Variants in ZNF462 observed in about 807,000 individuals in gnomAD.
The protein encoded by ZNF462 is zinc finger protein 462.
Under a neutral mutation model 201.9 loss-of-function variants are expected in ZNF462, and 10 were observed. That is an observed-to-expected ratio of 0.05 (90% CI 0.03 to 0.08). ZNF462 has a LOEUF of 0.08. ZNF462 is among the 10% of genes least tolerant of loss of function. The probability of loss-of-function intolerance (pLI) is 1.00; values close to 1 mark genes in which losing one functional copy is unlikely to be tolerated. For missense variants in ZNF462, 2,523 were observed against 3,168.3 expected, an observed-to-expected ratio of 0.80 and a Z score of 4.89; for synonymous variants, 1,227 against 1,193.3, an observed-to-expected ratio of 1.03 and a Z score of -0.58.
In ZNF462 at chr9:106,962,841, C is replaced by T. The variant is rs953448427; in HGVS notation, c.6428-9164C>T. Reference sequence around the variant, plus strand: ...ATATAGTCATCCAGCATCCATTGTCCCCCTGGCCATTGTATCATAATCTTG... The same window carrying T: ...ATATAGTCATCCAGCATCCATTGTCTCCCTGGCCATTGTATCATAATCTTG... On this transcript the variant is annotated intron_variant, in intron 7 of 12. Transcript: ENST00000277225. This position sits in a 1 kb window ranked among gnomAD's most constrained non-coding sequence, Gnocchi z 4.6. Among the ~76,000 whole-genome samples the T allele has an allele frequency of 6.6e-6, 1 of 151,842 alleles. No homozygotes were observed. The highest frequency in any genetic ancestry group is 1.5e-5 in the Non-Finnish European group (1 of 67,920).
At chr9:106,945,908 C>G (rs767497899) in intron 7 of ZNF462, among the ~76,000 whole-genome samples, 8 of 152,216 alleles carry the variant, frequency 5.3e-5, no homozygotes, top group Non-Finnish European at 1.0e-4. Flanking sequence ...ATTATCACCA[C>G]TCTGAACTCA....
chr9:106,931,014 G>A (rs983488573), intron 4 of ZNF462: 6 of 230,192 alleles, frequency 2.6e-5, no homozygotes, highest in African/African-American at 1.3e-4. Flanking sequence ...CTTCCAAGTT[G>A]CCCGAGCTCT....
chr9:106,955,630 A>G (rs1831540415), intron 7 of ZNF462, among the ~76,000 whole-genome samples: 1 of 152,156 alleles, frequency 6.6e-6, no homozygotes, highest in Admixed American at 6.6e-5. Context: ...TTGCAGTGCT[A>G]TTTGATAGCA....
intron 1 of ZNF462, among the ~76,000 whole-genome samples, chr9:106,910,327 C>A (rs1829489622): frequency 7.4e-6 from 1 of 135,088 alleles, no homozygotes. Context: ...CGTTTCCATG[C>A]TACATTTTTC....
intron 1 of ZNF462, among the ~76,000 whole-genome samples, chr9:106,893,928 T>C (rs1266905204): frequency 1.3e-5 from 2 of 152,214 alleles, no homozygotes; most frequent in Admixed American, 6.5e-5. Context: ...TTTGAGATTA[T>C]TGAGAAATGT....
intron 9 of ZNF462, chr9:106,979,367 A>G (rs1302164677): frequency 6.6e-6 from 1 of 151,546 alleles, no homozygotes; most frequent in Non-Finnish European, 1.5e-5. Flanking sequence ...TTACTACTAT[A>G]GCCAGAAGTA....
intron 7 of ZNF462, among the ~76,000 whole-genome samples, chr9:106,961,034 A>G (rs561303226): frequency 9.9e-5 from 15 of 152,236 alleles, no homozygotes; most frequent in African/African-American, 3.6e-4. Flanking sequence ...AAGGTAATCC[A>G]TGAATACCTT....
Position 106,930,407 on chromosome 9 carries a change from C to G in ZNF462, c.5848-118C>G, listed in dbSNP as rs888658458. On this transcript the variant is annotated intron_variant, in intron 3 of 12. Coordinates refer to ENST00000277225, the MANE Select transcript of ZNF462 (RefSeq NM_021224.6). This position sits in a 1 kb window ranked among gnomAD's most constrained non-coding sequence, Gnocchi z 5.8. ...TATAAAAATACTCGCCTATATCTCC[C>G]TTGGTTTTTAACCTGCTAATCGGCT... is the stretch of plus-strand genomic sequence containing the variant. 3 of 1,327,742 alleles carry G rather than the reference C, an allele frequency of 2.3e-6. No individual in the cohort carries two copies. The highest frequency in any genetic ancestry group is 3.1e-6 in the Non-Finnish European group (3 of 976,156). 82.2% of individuals were successfully genotyped at this position (1,327,742 alleles called of 1,614,324 possible).
chr9:106,972,766 A>G lies in ZNF462; in HGVS notation c.6695+494A>G, dbSNP rs1826694408. On this transcript the variant is annotated intron_variant, in intron 8 of 12. Coordinates refer to ENST00000277225, the MANE Select transcript of ZNF462 (RefSeq NM_021224.6). This position sits in a 1 kb window ranked among gnomAD's most constrained non-coding sequence, Gnocchi z 4.8. ...AAGACCCTGGCACTTCCAACACTACACTTGAGCAATCATAGGGAGATTGCT... is the reference window on the plus strand; with the variant it reads ...AAGACCCTGGCACTTCCAACACTACGCTTGAGCAATCATAGGGAGATTGCT... Among the ~76,000 whole-genome samples, 2 of 152,212 alleles carry G rather than the reference A, an allele frequency of 1.3e-5. No individual in the cohort carries two copies. Among genetic ancestry groups the G allele is most frequent in the Non-Finnish European group, 1.5e-5 (1 of 68,048 alleles).
chr9:106,939,573 CTG>C (rs1166818157), intron 7 of ZNF462, among the ~76,000 whole-genome samples: 4 of 152,150 alleles, frequency 2.6e-5, no homozygotes, highest in Admixed American at 6.5e-5. Context: ...GTGTGTCTGA[CTG>C]AGCCACGTGA....
Position 106,895,981 on chromosome 9 carries a change from C to T in ZNF462, c.-30-27373C>T, listed in dbSNP as rs1187969032. ...AAACAAGAACATTCATTATCTAACCCGCCCTTTCTAGCCTTAAATCATGTC... is the reference window on the plus strand; with the variant it reads ...AAACAAGAACATTCATTATCTAACCTGCCCTTTCTAGCCTTAAATCATGTC... On this transcript the variant is annotated intron_variant, in intron 1 of 12. Coordinates refer to ENST00000277225, the MANE Select transcript of ZNF462 (RefSeq NM_021224.6). This position sits in a 1 kb window ranked among gnomAD's most constrained non-coding sequence, Gnocchi z 4.4. Among the ~76,000 whole-genome samples, 4 of 152,104 alleles carry T rather than the reference C, an allele frequency of 2.6e-5. No individual in the cohort carries two copies. The highest frequency in any genetic ancestry group is 2.1e-4 in the South Asian group (1 of 4,826).
rs998706725 is a variant in ZNF462 at position 106,926,277 on chromosome 9, A to G, written c.2365A>G (p.Ile789Val). 3.1e-6 allele frequency: 5 copies of G among 1,614,194 alleles called. No individual in the cohort carries two copies. Among genetic ancestry groups the G allele is most frequent in the Non-Finnish European group, 4.2e-6 (5 of 1,180,034 alleles). Residue 789 changes from isoleucine (I) to valine (V), a missense_variant, in exon 3 of 13, where the codon ATT (isoleucine) becomes GTT (valine). By Grantham distance (29) the Ile-to-Val change is conservative (BLOSUM62 3). Transcript: ENST00000277225. This position sits in a 1 kb window ranked among gnomAD's most constrained non-coding sequence, Gnocchi z 7.9. ...HDYNATNGAEIELTLSEDEED... is the reference protein window; with the variant it reads ...HDYNATNGAEVELTLSEDEED... ...TTACAATGCCACCAATGGGGCTGAG[A>G]TTGAGCTCACCCTTTCTGAAGATGA...
Position 106,925,738 on chromosome 9 carries a change from C to G in ZNF462, c.1826C>G (p.Thr609Ser). The G allele has an allele frequency of 6.2e-7, 1 of 1,614,192 alleles. No homozygotes were observed. The highest frequency in any genetic ancestry group is 1.1e-5 in the South Asian group (1 of 91,086). ...AAATGCACCATGTGTAATTACTCCA[C>G]CACAACTCTGAAAGGGCTAAGAGTC... Reference protein sequence around the residue: ...PYKCTMCNYSTTTLKGLRVHQ... With the variant: ...PYKCTMCNYSSTTLKGLRVHQ... The change falls in exon 3 of 13, where the codon ACC becomes AGC. Residue 609 changes from threonine to serine, a missense_variant. Physicochemically the swap from Thr to Ser is moderately conservative, Grantham distance 58 (BLOSUM62 1). Transcript: ENST00000277225. The surrounding 1 kb of genome is among the most constrained non-coding windows in gnomAD (Gnocchi z 7.9).
At chr9:106,860,409 G>A (rs772996235), upstream of ZNF462, among the ~76,000 whole-genome samples, 62 of 152,218 alleles carry the variant, frequency 4.1e-4, no homozygotes, top group Admixed American at 6.5e-4. This position sits in a 1 kb window ranked among gnomAD's most constrained non-coding sequence, Gnocchi z 7.1. Flanking sequence ...GAAGCCCTTT[G>A]GTGCCCCAGG....
At chr9:106,863,793 C>T (rs1335396874) in intron 1 of ZNF462, among the ~76,000 whole-genome samples, 2 of 141,392 alleles carry the variant, frequency 1.4e-5, no homozygotes, top group South Asian at 2.3e-4. Context: ...ACGGATGCTC[C>T]GAGTGTGGGG....
At chr9:106,941,327 T>C (rs1273067867) in intron 7 of ZNF462, among the ~76,000 whole-genome samples, 5 of 152,224 alleles carry the variant, frequency 3.3e-5, no homozygotes, top group African/African-American at 7.2e-5. Flanking sequence ...ACATTTGAGC[T>C]AACCATAACC....
At chr9:106,994,432 A>G (rs1004115617) in intron 10 of ZNF462, among the ~76,000 whole-genome samples, 2 of 152,154 alleles carry the variant, frequency 1.3e-5, no homozygotes, top group Non-Finnish European at 2.9e-5. Context: ...ATCTTTCTCC[A>G]AAGATTCTTC....
At position 106,880,580 on chromosome 9, in the gene ZNF462, C is replaced by T. The variant is rs1299152388; in HGVS notation, c.-31+17225C>T. On this transcript the variant is annotated intron_variant, in intron 1 of 12. Coordinates refer to ENST00000277225, the MANE Select transcript of ZNF462 (RefSeq NM_021224.6). The surrounding 1 kb of genome is among the most constrained non-coding windows in gnomAD (Gnocchi z 4.1). ...TAAGTAGCTCTAAATTTCAGTGATCCTGCCTTTCTGGTGTCAGTTTTGTGG... is the reference window on the plus strand; with the variant it reads ...TAAGTAGCTCTAAATTTCAGTGATCTTGCCTTTCTGGTGTCAGTTTTGTGG... Among the ~76,000 whole-genome samples the T allele has an allele frequency of 1.3e-5, 2 of 152,168 alleles. No individual in the cohort carries two copies. Among genetic ancestry groups the T allele is most frequent in the Non-Finnish European group, 2.9e-5 (2 of 68,024 alleles).
intron 10 of ZNF462, among the ~76,000 whole-genome samples, chr9:107,000,580 T>A (rs1174300427): frequency 6.6e-6 from 1 of 152,216 alleles, no homozygotes; most frequent in East Asian, 1.9e-4. Context: ...TAAAATCTTC[T>A]AATTACATAG....
Sources: gnomAD v4.1 joint callset for allele counts (sites outside exome capture counted in the v4.1 genomes callset) on GRCh38, gnomAD v4.1.1 for gene constraint, Gnocchi (gnomAD v3.1) non-coding constraint, MANE v1.5 for transcripts, NCBI Gene and HGNC (gene_info 2026-07-23, HGNC 2026-07-21) for gene names.